PLEKHH2: variants seen among roughly 807,000 people sequenced by gnomAD.
The protein encoded by PLEKHH2 is pleckstrin homology domain-containing family H member 2.
A neutral mutation model predicts 187.9 loss-of-function variants in PLEKHH2; 129 were observed. The observed-to-expected ratio is 0.69, with a 90% CI of 0.59 to 0.79. PLEKHH2 has a LOEUF of 0.79. Among genes scored for constraint, PLEKHH2 ranks in the 30% least tolerant of loss-of-function variants. The pLI, the probability that PLEKHH2 is intolerant of heterozygous loss-of-function variation, is 0.00. For synonymous variants in PLEKHH2, 686 were observed against 605.6 expected (o/e 1.13, Z -1.95); for missense variants, 2,076 against 1,751.2 (o/e 1.19, Z -3.31).
intron 2 of PLEKHH2, among the ~76,000 whole-genome samples, chr2:43,647,174 A>G (rs978799858): frequency 6.6e-6 from 1 of 152,160 alleles, no homozygotes; most frequent in African/African-American, 2.4e-5. Flanking sequence ...AATACATTTT[A>G]TTGTGCTCAT....
intron 28 of PLEKHH2, among the ~76,000 whole-genome samples, chr2:43,763,190 G>T (rs1048038178): frequency 3.9e-5 from 6 of 151,996 alleles, no homozygotes; most frequent in Non-Finnish European, 8.8e-5. Context: ...GTGACTTAAA[G>T]TAAAAACAAA....
chr2:43,736,292 C>T lies in PLEKHH2; in HGVS notation c.2944-2049C>T, dbSNP rs1029982666. ...CCAGTTAGAAGATAAAAAGGAAGAA[C>T]TACTTTGGGCCATGATGGAGCCACA... On this transcript the variant is annotated intron_variant, in intron 19 of 29. Coordinates refer to ENST00000282406, the MANE Select transcript of PLEKHH2 (RefSeq NM_172069.4). 8.8e-4 allele frequency among the ~76,000 whole-genome samples: 134 copies of T among 152,312 alleles called. 2 individuals are homozygous for T. The highest frequency in any genetic ancestry group is 2.4e-4 in the Non-Finnish European group (16 of 68,028).
intron 2 of PLEKHH2, among the ~76,000 whole-genome samples, chr2:43,670,736 A>G (rs2104400694): frequency 6.6e-6 from 1 of 152,160 alleles, no homozygotes; most frequent in Non-Finnish European, 1.5e-5. Flanking sequence ...TTTGATTAAG[A>G]CTGGGTGGAA....
chr2:43,715,279 A>C (rs1670160317), intron 15 of PLEKHH2, among the ~76,000 whole-genome samples: 1 of 151,558 alleles, frequency 6.6e-6, no homozygotes, highest in African/African-American at 2.4e-5. Context: ...CGTCTAAAAA[A>C]AAAGAAAAAA....
intron 3 of PLEKHH2, chr2:43,681,618 A>T: frequency 2.8e-6 from 2 of 704,834 alleles, no homozygotes; most frequent in East Asian, 5.4e-5. Flanking sequence ...ACACGATATG[A>T]CACAATATGC....
chr2:43,657,040 CAAAAT>C (rs1558429193), intron 2 of PLEKHH2, among the ~76,000 whole-genome samples: 1 of 60,666 alleles, frequency 1.6e-5, no homozygotes, highest in Non-Finnish European at 4.2e-5. Context: ...CAAAACAAAA[CAAAAT>C]AAAACAAAAA....
In PLEKHH2 at chr2:43,707,802, T is replaced by C. The variant is rs936034940; in HGVS notation, c.1966+257T>C. ...GAGGGAGATCACTTTATTGTTGGAA[T>C]GAAGTGAGATAATTGGCCAAAATGA... On this transcript the variant is annotated intron_variant, in intron 11 of 29. Transcript: ENST00000282406. 5.3e-5 allele frequency among the ~76,000 whole-genome samples: 8 copies of C among 152,158 alleles called. No homozygotes were observed. In the East Asian group the frequency reaches 1.5e-3, roughly 29 times the overall value.
At chr2:43,705,251 C>CTTTTTTTTTTTTTT (rs5830767) in intron 9 of PLEKHH2, among the ~76,000 whole-genome samples, 3 of 95,866 alleles carry the variant, frequency 3.1e-5, no homozygotes, top group Non-Finnish European at 5.8e-5. Flanking sequence ...AAATTTTATC[C>CTTTTTTTTTTTTTT]TTTTTTTTTT....
chr2:43,673,763 T>C (rs941089735), intron 2 of PLEKHH2, among the ~76,000 whole-genome samples: 3 of 152,206 alleles, frequency 2.0e-5, no homozygotes, highest in Non-Finnish European at 2.9e-5. Context: ...AGTTAAATAA[T>C]GTACCCATCA....
rs75555865 is a variant in PLEKHH2, at chr2:43,761,351, T to C, written c.4072-953T>C. 2.0e-3 allele frequency among the ~76,000 whole-genome samples: 308 copies of C among 152,198 alleles called. 6 individuals carry two copies. In the East Asian group the frequency reaches 0.046, roughly 23 times the overall value. Reference sequence around the variant, plus strand: ...GTTGGGTTCTAGTGGTAGGAGATTCTTTTTATTAATATAATTTCATAGCTT... The same window carrying C: ...GTTGGGTTCTAGTGGTAGGAGATTCCTTTTATTAATATAATTTCATAGCTT... On this transcript the variant is annotated intron_variant, in intron 27 of 29. Coordinates refer to ENST00000282406, the MANE Select transcript of PLEKHH2 (RefSeq NM_172069.4).
chr2:43,719,592 A>G (rs748158355), intron 15 of PLEKHH2, among the ~76,000 whole-genome samples: 47 of 152,116 alleles, frequency 3.1e-4, no homozygotes, highest in Non-Finnish European at 5.6e-4. Flanking sequence ...GATGTCCACC[A>G]CCACGCCTGG....
intron 14 of PLEKHH2, chr2:43,710,811 C>A: frequency 7.8e-7 from 1 of 1,280,138 alleles, no homozygotes; most frequent in Non-Finnish European, 9.9e-7. Context: ...CCTTTATACT[C>A]TTCTTTCCTC....
intron 23 of PLEKHH2, among the ~76,000 whole-genome samples, chr2:43,745,107 A>G (rs1282354817): frequency 6.6e-6 from 1 of 152,092 alleles, no homozygotes; most frequent in Non-Finnish European, 1.5e-5. Context: ...TGAGGTCAGG[A>G]GTTCAAGACC....
chr2:43,744,230 G>GATACTCTAAGTATCCTA, intron 23 of PLEKHH2: 2 of 831,014 alleles, frequency 2.4e-6, no homozygotes, highest in Admixed American at 3.8e-5. Context: ...TAATGGAAAT[G>GATACTCTAAGTATCCTA]ATACTCTAAG....
Position 43,710,254 on chromosome 2 carries a change from T to A in PLEKHH2, c.2138T>A (p.Met713Lys). The change falls in exon 13 of 30, where the codon ATG becomes AAG. Residue 713 changes from methionine to lysine, a missense_variant. Coordinates refer to ENST00000282406, the MANE Select transcript of PLEKHH2 (RefSeq NM_172069.4). ...GAAAAATCTGGTTATTTATTAAAAA[T>A]GAGTGGTAAAGTCAAGTCTTGGAAG... ...PLEKSGYLLK[M>K]SGKVKSWKRR... 1 of 1,614,154 alleles carries A rather than the reference T, an allele frequency of 6.2e-7. No individual in the cohort carries two copies. Among genetic ancestry groups the A allele is most frequent in the Non-Finnish European group, 8.5e-7 (1 of 1,180,016 alleles).
chr2:43,722,089 TA>T (rs780880178), intron 16 of PLEKHH2, among the ~76,000 whole-genome samples: 804 of 128,052 alleles, frequency 6.3e-3, no homozygotes, highest in Middle Eastern at 0.013. Context: ...TAGTCTCTAC[TA>T]AAAAAAAAAA....
Position 43,753,647 on chromosome 2 carries a change from G to A in PLEKHH2, c.3682G>A (p.Glu1228Lys), listed in dbSNP as rs1672091858. 4.5e-6 allele frequency: 7 copies of A among 1,559,986 alleles called. No homozygotes were observed. The highest frequency in any genetic ancestry group is 6.1e-6 in the Non-Finnish European group (7 of 1,156,896). ...ATATTTCTCAGTGCAAGCTCGTGGA[G>A]AGACTGATAGAGAAAAGTTGCTGTT... Reference protein sequence around the residue: ...RLYFSVQARGETDREKLLLMY... With the variant: ...RLYFSVQARGKTDREKLLLMY... Residue 1228 changes from glutamate (E) to lysine (K), a missense_variant, in exon 25 of 30, where the codon GAG (glutamate) becomes AAG (lysine). Coordinates refer to ENST00000282406, the MANE Select transcript of PLEKHH2 (RefSeq NM_172069.4).
At position 43,692,707 on chromosome 2, in the gene PLEKHH2, T is replaced by A. The variant is rs756111814; in HGVS notation, c.336+44T>A. 10 of 1,554,760 alleles carry A rather than the reference T, an allele frequency of 6.4e-6. No individual in the cohort carries two copies. The South Asian group carries it at 1.1e-4, about 17-fold the overall frequency. ...AAGAGTTCTAAGTGTGTGCACTCAT[T>A]TGTGCATAATCACAAAGATTAAAAA... On this transcript the variant is annotated intron_variant, in intron 4 of 29. Transcript: ENST00000282406.
At chr2:43,654,475 G>A (rs1229596330) in intron 2 of PLEKHH2, among the ~76,000 whole-genome samples, 3 of 151,782 alleles carry the variant, frequency 2.0e-5, no homozygotes, top group South Asian at 4.1e-4. Flanking sequence ...GATTACAGGC[G>A]TGAGCCACTG....
Sources: allele counts gnomAD v4.1 joint callset (sites outside exome capture counted in the v4.1 genomes callset), GRCh38; gene constraint gnomAD v4.1.1; transcripts MANE v1.5; gene names NCBI Gene and HGNC (gene_info 2026-07-23, HGNC 2026-07-21).